The following ADGRB3 variants were observed in gnomAD, a reference collection of about 807,000 sequenced individuals.
ADGRB3 encodes the protein adhesion G protein-coupled receptor B3.
Under a neutral mutation model 193.4 loss-of-function variants are expected in ADGRB3, and 37 were observed. The ratio of observed to expected loss-of-function variants is 0.19; its 90% CI spans 0.15 to 0.25. The LOEUF (loss-of-function observed/expected upper bound fraction) is 0.25, where lower values mean the gene tolerates loss of function less well. Ranked by LOEUF, ADGRB3 falls within the 10% of genes least tolerant of loss-of-function variation. ADGRB3 has a pLI of 1.00. For missense variants in ADGRB3, 1,637 were observed against 1,852.9 expected, an observed-to-expected ratio of 0.88 and a Z score of 2.14; for synonymous variants, 690 against 644.2, an observed-to-expected ratio of 1.07 and a Z score of -1.08.
At chr6:68,820,886 G>A (rs183016746) in intron 3 of ADGRB3, among the ~76,000 whole-genome samples, 1 of 152,042 alleles carries the variant, frequency 6.6e-6, no homozygotes, top group African/African-American at 2.4e-5. Flanking sequence ...TGTCCCTCTG[G>A]TCTAGACAAA....
At chr6:69,307,679 T>C (rs1202914531) in intron 20 of ADGRB3, among the ~76,000 whole-genome samples, 1 of 151,504 alleles carries the variant, frequency 6.6e-6, no homozygotes, top group Admixed American at 6.6e-5. Flanking sequence ...GGTAGGACTT[T>C]TTTTTTCTCC....
chr6:69,280,457 A>G lies in ADGRB3; in HGVS notation c.2814+41231A>G, dbSNP rs949797001. Among the ~76,000 whole-genome samples, 9 of 152,300 alleles carry G rather than the reference A, an allele frequency of 5.9e-5. No individual in the cohort carries two copies. The East Asian group carries it at 1.5e-3, about 26-fold the overall frequency. ...CTGCCGAGTTTTGAATTCTGGCTCCATCATTTCTTATCTGTGTGACCTCGG... is the reference window on the plus strand; with the variant it reads ...CTGCCGAGTTTTGAATTCTGGCTCCGTCATTTCTTATCTGTGTGACCTCGG... On this transcript the variant is annotated intron_variant, in intron 20 of 31. Transcript: ENST00000370598.
chr6:69,333,805 C>G (rs1233613760), intron 24 of ADGRB3, among the ~76,000 whole-genome samples: 2 of 151,172 alleles, frequency 1.3e-5, no homozygotes, highest in African/African-American at 4.8e-5. Flanking sequence ...TGGTGGGCGC[C>G]TGTAGTCCCA....
At chr6:69,333,123 G>C (rs974474446) in intron 24 of ADGRB3, 115 bp downstream of exon 24, 2 of 1,129,796 alleles carry the variant, frequency 1.8e-6, no homozygotes, top group African/African-American at 1.6e-5. Context: ...TGATGTACTA[G>C]TGTGTCCAGT....
chr6:69,100,449 G>A (rs1277340568), intron 17 of ADGRB3, among the ~76,000 whole-genome samples: 3 of 152,130 alleles, frequency 2.0e-5, no homozygotes, highest in Non-Finnish European at 4.4e-5. Context: ...AAGAGAGACA[G>A]AGATAAAAAG....
intron 17 of ADGRB3, among the ~76,000 whole-genome samples, chr6:69,211,183 G>C (rs1765659894): frequency 6.6e-6 from 1 of 152,166 alleles, no homozygotes; most frequent in Non-Finnish European, 1.5e-5. Context: ...ATATTCTTAA[G>C]AAAAGGGAGA....
At chr6:69,245,652 C>A (rs1766483116) in intron 20 of ADGRB3, among the ~76,000 whole-genome samples, 1 of 151,960 alleles carries the variant, frequency 6.6e-6, no homozygotes, top group African/African-American at 2.4e-5. Context: ...TTCCTTCACC[C>A]CAACCCCACC....
chr6:69,304,854 C>A (rs956505793), intron 20 of ADGRB3, among the ~76,000 whole-genome samples: 11 of 151,442 alleles, frequency 7.3e-5, no homozygotes, highest in African/African-American at 2.7e-4. Context: ...GGTTTGCAAG[C>A]AAAGGTTTCT....
chr6:68,931,398 T>C (rs60085804), intron 4 of ADGRB3, among the ~76,000 whole-genome samples: 5,142 of 152,184 alleles, frequency 0.034, 261 homozygotes, highest in African/African-American at 0.12. Flanking sequence ...TTCATATTTT[T>C]TCTTATCACA....
intron 3 of ADGRB3, among the ~76,000 whole-genome samples, chr6:68,930,024 A>G (rs925903081): frequency 1.3e-5 from 2 of 151,764 alleles, no homozygotes; most frequent in Non-Finnish European, 2.9e-5. Flanking sequence ...ACTATATTCC[A>G]TGAGCCTTTG....
chr6:69,385,453 C>G (rs182446428), intron 31 of ADGRB3, among the ~76,000 whole-genome samples: 120 of 152,144 alleles, frequency 7.9e-4, no homozygotes, highest in African/African-American at 2.8e-3. Flanking sequence ...AATGCTCAGG[C>G]AGCCCTGCCA....
chr6:68,842,768 C>T (rs752839865), intron 3 of ADGRB3, among the ~76,000 whole-genome samples: 68 of 151,892 alleles, frequency 4.5e-4, no homozygotes, highest in Non-Finnish European at 8.2e-4. Context: ...TCAAAATCCT[C>T]AACAAAATAC....
At chr6:68,823,529 A>G (rs1320358219) in intron 3 of ADGRB3, among the ~76,000 whole-genome samples, 1 of 152,094 alleles carries the variant, frequency 6.6e-6, no homozygotes, top group Non-Finnish European at 1.5e-5. Flanking sequence ...CATGTTTCAG[A>G]CATAAAACAT....
At chr6:69,019,638 G>A (rs1429535987) in intron 13 of ADGRB3, among the ~76,000 whole-genome samples, 2 of 151,898 alleles carry the variant, frequency 1.3e-5, no homozygotes, top group Non-Finnish European at 2.9e-5. Flanking sequence ...TCAAACGTCT[G>A]GAGACATTTT....
intron 6 of ADGRB3, among the ~76,000 whole-genome samples, chr6:68,952,906 AG>A (rs1174205228): frequency 2.9e-4 from 44 of 152,306 alleles, no homozygotes; most frequent in African/African-American, 8.9e-4. Flanking sequence ...ACATTAACAC[AG>A]AATATGTACA....
intron 20 of ADGRB3, among the ~76,000 whole-genome samples, chr6:69,286,026 T>G (rs1370888965): frequency 6.6e-6 from 1 of 152,116 alleles, no homozygotes; most frequent in Non-Finnish European, 1.5e-5. Context: ...TTTGTCACTT[T>G]TGAAACTTGG....
intron 17 of ADGRB3, among the ~76,000 whole-genome samples, chr6:69,171,957 G>A (rs1775281959): frequency 6.6e-6 from 1 of 152,110 alleles, no homozygotes; most frequent in African/African-American, 2.4e-5. Context: ...ACTACTTCTA[G>A]CCAGTGACAT....
At chr6:69,030,016 CTCA>C (rs1770588109) in intron 13 of ADGRB3, among the ~76,000 whole-genome samples, 1 of 137,232 alleles carries the variant, frequency 7.3e-6, no homozygotes, top group African/African-American at 3.0e-5. Context: ...ATATATATAG[CTCA>C]TCATCACTGG....
chr6:69,387,343 A>T (rs1462982561), intron 31 of ADGRB3, among the ~76,000 whole-genome samples: 1 of 152,138 alleles, frequency 6.6e-6, no homozygotes, highest in Non-Finnish European at 1.5e-5. Context: ...AGGATAAGGC[A>T]GAGGTAGAGC....
Sources: allele counts gnomAD v4.1 joint callset (sites outside exome capture counted in the v4.1 genomes callset), GRCh38; gene constraint gnomAD v4.1.1; transcripts MANE v1.5; gene names NCBI Gene and HGNC (gene_info 2026-07-23, HGNC 2026-07-21).